COLGALT2: variants seen among roughly 807,000 people sequenced by gnomAD.
The protein encoded by COLGALT2 is collagen beta(1-O)galactosyltransferase 2.
Under a neutral mutation model 73.4 loss-of-function variants are expected in COLGALT2, and 49 were observed. The observed-to-expected ratio is 0.67, with a 90% CI of 0.53 to 0.85. COLGALT2 has a LOEUF of 0.85. Ranked by LOEUF, COLGALT2 falls within the 40% of genes least tolerant of loss-of-function variation. The pLI is 0.00. For missense variants in COLGALT2, 722 were observed against 790.2 expected (o/e 0.91, Z 1.03); for synonymous variants, 295 against 307.6 (o/e 0.96, Z 0.43).
At chr1:183,941,227 T>C (rs560944115) in intron 10 of COLGALT2, among the ~76,000 whole-genome samples, 2 of 152,298 alleles carry the variant, frequency 1.3e-5, no homozygotes, top group Admixed American at 1.3e-4. Flanking sequence ...CTCCGAGTGC[T>C]GGTGGGAAAC....
chr1:184,017,687 G>A (rs1649048625), intron 1 of COLGALT2, among the ~76,000 whole-genome samples: 2 of 152,168 alleles, frequency 1.3e-5, no homozygotes, highest in African/African-American at 4.8e-5. Context: ...TCTTTTCACA[G>A]ATTTTACCAA....
intron 1 of COLGALT2, among the ~76,000 whole-genome samples, chr1:183,980,225 GA>G (rs1558323846): frequency 1.3e-5 from 2 of 151,578 alleles, no homozygotes; most frequent in African/African-American, 4.8e-5. Context: ...CATATATAAA[GA>G]AATTAATAAA....
chr1:184,028,092 G>T (rs1237967861), intron 1 of COLGALT2, among the ~76,000 whole-genome samples: 3 of 152,160 alleles, frequency 2.0e-5, no homozygotes, highest in Non-Finnish European at 4.4e-5. Flanking sequence ...CATAATCATT[G>T]TGGTGTGTGG....
chr1:183,963,412 A>C (rs1278042850), intron 6 of COLGALT2, among the ~76,000 whole-genome samples: 1 of 152,222 alleles, frequency 6.6e-6, no homozygotes, highest in Non-Finnish European at 1.5e-5. Context: ...TTAGCATTTT[A>C]TGATGTAACA....
chr1:183,969,237 A>G lies in COLGALT2; in HGVS notation c.832+32T>C, dbSNP rs1670966901. On this transcript the variant is annotated intron_variant, in intron 5 of 11. Coordinates refer to ENST00000361927, the MANE Select transcript of COLGALT2 (RefSeq NM_015101.4). Reference sequence around the variant, plus strand: ...GAGCTGGTCATTTTGCTGTGTCTCCATTGTGGCACTACAACCAAAGACAAA... The same window carrying G: ...GAGCTGGTCATTTTGCTGTGTCTCCGTTGTGGCACTACAACCAAAGACAAA... 6 of 1,561,630 alleles carry G rather than the reference A, an allele frequency of 3.8e-6. No homozygotes were observed. In the African/African-American group the frequency reaches 4.1e-5, roughly 11 times the overall value.
intron 4 of COLGALT2, among the ~76,000 whole-genome samples, chr1:183,972,084 C>G (rs984965988): frequency 6.6e-6 from 1 of 152,210 alleles, no homozygotes; most frequent in African/African-American, 2.4e-5. Context: ...CAAACTTTAG[C>G]CCTTTGGCCA....
intron 1 of COLGALT2, among the ~76,000 whole-genome samples, chr1:184,004,511 A>C (rs2102841581): frequency 6.6e-6 from 1 of 152,306 alleles, no homozygotes; most frequent in South Asian, 2.1e-4. Flanking sequence ...ATTTAATTTT[A>C]AACAACCCTT....
rs184051055 is a variant in COLGALT2, at chr1:184,025,790, A to G, written c.263+11305T>C. On this transcript the variant is annotated intron_variant, in intron 1 of 11. Coordinates refer to ENST00000361927, the MANE Select transcript of COLGALT2 (RefSeq NM_015101.4). ...AATACCACGAGCTTCCTAGAAAAGG[A>G]TTTTTTAAAGCCATCCCCCAGAGAT... is the stretch of plus-strand genomic sequence containing the variant. Among the ~76,000 whole-genome samples, 192 of 152,286 alleles carry G rather than the reference A, an allele frequency of 1.3e-3. 1 individual carries two copies. Among genetic ancestry groups the G allele is most frequent in the African/African-American group, 4.5e-3 (185 of 41,546 alleles).
chr1:184,004,034 T>G (rs533045474), intron 1 of COLGALT2, among the ~76,000 whole-genome samples: 2 of 152,310 alleles, frequency 1.3e-5, no homozygotes, highest in East Asian at 3.8e-4. Flanking sequence ...AAATTATTAA[T>G]TGAAAAAGAA....
At chr1:183,946,409 A>G (rs1670250326) in intron 8 of COLGALT2, 1 of 152,254 alleles carries the variant, frequency 6.6e-6, no homozygotes, top group African/African-American at 2.4e-5. Flanking sequence ...CCACACGCCC[A>G]GGAAAAACTT....
At chr1:183,977,137 G>A (rs867305271) in intron 2 of COLGALT2, among the ~76,000 whole-genome samples, 3 of 152,128 alleles carry the variant, frequency 2.0e-5, no homozygotes, top group African/African-American at 7.2e-5. Context: ...TGATTTGACT[G>A]TATGGTATGT....
chr1:184,013,668 G>C (rs1290367722), intron 1 of COLGALT2, among the ~76,000 whole-genome samples: 2 of 152,038 alleles, frequency 1.3e-5, no homozygotes, highest in Non-Finnish European at 2.9e-5. Flanking sequence ...GTCTTTGAAG[G>C]TTTGGGAGTA....
At chr1:183,956,307 C>T (rs769959283) in intron 6 of COLGALT2, among the ~76,000 whole-genome samples, 6 of 152,164 alleles carry the variant, frequency 3.9e-5, no homozygotes, top group Non-Finnish European at 8.8e-5. Flanking sequence ...TTAGGCCAAA[C>T]ACAAGAGCTG....
At chr1:184,024,821 C>T (rs1451626813) in intron 1 of COLGALT2, among the ~76,000 whole-genome samples, 2 of 152,134 alleles carry the variant, frequency 1.3e-5, no homozygotes, top group African/African-American at 4.8e-5. Flanking sequence ...AACATACTGA[C>T]AATCCATGCA....
intron 2 of COLGALT2, among the ~76,000 whole-genome samples, chr1:183,977,042 G>T (rs1341531048): frequency 6.6e-6 from 1 of 152,176 alleles, no homozygotes; most frequent in Non-Finnish European, 1.5e-5. Context: ...AGTCTTAGGT[G>T]TTTGAACTTT....
intron 10 of COLGALT2, among the ~76,000 whole-genome samples, chr1:183,942,216 G>A (rs2102788810): frequency 6.6e-6 from 1 of 152,224 alleles, no homozygotes; most frequent in Middle Eastern, 3.4e-3. Flanking sequence ...CCAAAGTGCT[G>A]GGATTACAGG....
intron 1 of COLGALT2, among the ~76,000 whole-genome samples, chr1:183,987,979 A>C (rs1001636029): frequency 2.0e-5 from 3 of 152,224 alleles, no homozygotes; most frequent in African/African-American, 7.2e-5. Flanking sequence ...TCTGGAAATC[A>C]ACATAAAAAA....
chr1:183,951,857 A>G (rs1572634070), intron 7 of COLGALT2, among the ~76,000 whole-genome samples: 1 of 152,346 alleles, frequency 6.6e-6, no homozygotes, highest in Non-Finnish European at 1.5e-5. Flanking sequence ...TAAAATTTTC[A>G]TGGAACCACA....
intron 1 of COLGALT2, among the ~76,000 whole-genome samples, chr1:184,006,622 A>ATAC (rs1393114630): frequency 6.6e-6 from 1 of 151,394 alleles, no homozygotes; most frequent in Admixed American, 6.6e-5. Flanking sequence ...AATAATAATA[A>ATAC]TAAAAAGATT....
Sources: allele counts gnomAD v4.1 joint callset (sites outside exome capture counted in the v4.1 genomes callset), GRCh38; gene constraint gnomAD v4.1.1; transcripts MANE v1.5; gene names NCBI Gene and HGNC (gene_info 2026-07-23, HGNC 2026-07-21).